FKTN: variants seen among roughly 807,000 people sequenced by gnomAD.
The protein encoded by FKTN is fukutin.
Under a neutral mutation model 58.6 loss-of-function variants are expected in FKTN, and 47 were observed. The observed-to-expected ratio is 0.80, with a 90% CI of 0.63 to 1.02. FKTN has a LOEUF of 1.02. Ranked by LOEUF, FKTN falls within the 50% of genes least tolerant of loss-of-function variation. The probability of loss-of-function intolerance (pLI) is 0.00; values close to 1 mark genes in which losing one functional copy is unlikely to be tolerated. For missense variants in FKTN, 516 were observed against 537.3 expected, an observed-to-expected ratio of 0.96 and a Z score of 0.39; for synonymous variants, 178 against 191.9, an observed-to-expected ratio of 0.93 and a Z score of 0.60.
chr9:105,607,882 C>G lies in FKTN; in HGVS notation c.711C>G (p.His237Gln), dbSNP rs562170364. The stretch of plus-strand genomic sequence containing the variant: ...TTCTCATTCCAAAGGATCCAATGCA[C>G]TTTGTAGAAGAAGTACCACACTCTA... ...LEVLIPKDPM[H>Q]FVEEVPHSRF... The change falls in exon 7 of 11, where the codon CAC (histidine) becomes CAG (glutamine). Residue 237 changes from histidine (H) to glutamine (Q), a missense_variant. His to Gln is a conservative substitution (Grantham distance 24). Coordinates refer to ENST00000357998, the MANE Select transcript of FKTN (RefSeq NM_001079802.2). 4.3e-6 allele frequency: 7 copies of G among 1,611,672 alleles called. No homozygotes were observed. Among genetic ancestry groups the G allele is most frequent in the Non-Finnish European group, 5.9e-6 (7 of 1,178,068 alleles).
At position 105,636,409 on chromosome 9, in the gene FKTN, T is replaced by A. The variant is rs1336159621; in HGVS notation, c.*1145T>A. On this transcript the variant is annotated 3_prime_UTR_variant, in exon 11 of 11. Coordinates refer to ENST00000357998, the MANE Select transcript of FKTN (RefSeq NM_001079802.2). ...GGACTTGACAACTATTCACCCTACC[T>A]CAGATCATAGAGTTTGTAAAGTTTG... 1 of 988,890 alleles carries A rather than the reference T, an allele frequency of 1.0e-6. No individual in the cohort carries two copies. The highest frequency in any genetic ancestry group is 1.2e-6 in the Non-Finnish European group (1 of 832,050). The allele number at this position is 988,890 out of a possible 1,614,324, so 61.3% of individuals were successfully genotyped here. A position where few individuals can be genotyped will look rare whatever the true frequency, so the allele number is the denominator to read the frequency against.
chr9:105,591,327 GC>G (rs1242700735), intron 3 of FKTN, among the ~76,000 whole-genome samples: 1 of 152,176 alleles, frequency 6.6e-6, no homozygotes, highest in Non-Finnish European at 1.5e-5. Context: ...CCACCTATGA[GC>G]CTGTAAAATA....
chr9:105,619,697 A>G (rs911005943), intron 9 of FKTN, among the ~76,000 whole-genome samples: 18 of 152,048 alleles, frequency 1.2e-4, no homozygotes, highest in African/African-American at 4.3e-4. Flanking sequence ...ATTTACTCTG[A>G]GTTATCATCA....
intron 3 of FKTN, among the ~76,000 whole-genome samples, chr9:105,594,168 TTAGA>T (rs1200113278): frequency 6.6e-6 from 1 of 152,172 alleles, no homozygotes; most frequent in African/African-American, 2.4e-5. Flanking sequence ...GAGGCTGGCC[TTAGA>T]TAGGAACATA....
At chr9:105,579,572 A>T (rs1438567531) in intron 3 of FKTN, among the ~76,000 whole-genome samples, 4 of 148,386 alleles carry the variant, frequency 2.7e-5, no homozygotes, top group African/African-American at 1.0e-4. Context: ...TGCTGAGGAG[A>T]GCTTTACTTC....
intron 3 of FKTN, 146 bp downstream of exon 3, chr9:105,575,283 A>C (rs1182882560): frequency 3.1e-6 from 2 of 643,420 alleles, no homozygotes; most frequent in Non-Finnish European, 5.6e-6. Context: ...TTAAAAATTC[A>C]GTTAAATATA....
At chr9:105,623,173 C>G (rs2036731979) in intron 10 of FKTN, 1 of 152,206 alleles carries the variant, frequency 6.6e-6, no homozygotes. Flanking sequence ...TGCTTCTTTC[C>G]TTCCCATTTT....
At chr9:105,614,189 GCT>G (rs1176871388) in intron 7 of FKTN, among the ~76,000 whole-genome samples, 1 of 152,170 alleles carries the variant, frequency 6.6e-6, no homozygotes, top group Non-Finnish European at 1.5e-5. Context: ...AATTTATAGT[GCT>G]TTCCTCAGCT....
chr9:105,638,787 A>C lies in FKTN; in HGVS notation c.*3523A>C, dbSNP rs1834228968. ...TATATTGATACTCTCTGATAAATGC[A>C]GGTAGTTAAGAATAGATTGTACTCA... is the stretch of plus-strand genomic sequence containing the variant. On this transcript the variant is annotated 3_prime_UTR_variant, in exon 11 of 11. Transcript: ENST00000357998. The C allele has an allele frequency of 1.0e-6, 1 of 981,206 alleles. No individual in the cohort carries two copies. Among genetic ancestry groups the C allele is most frequent in the Non-Finnish European group, 1.2e-6 (1 of 826,240 alleles). 60.8% of individuals were successfully genotyped at this position (981,206 alleles called of 1,614,324 possible).
At chr9:105,594,495 C>A (rs1285498270) in intron 3 of FKTN, among the ~76,000 whole-genome samples, 4 of 152,212 alleles carry the variant, frequency 2.6e-5, no homozygotes, top group Admixed American at 2.6e-4. Context: ...TGGTGTCTCA[C>A]ACCTGGAATC....
intron 3 of FKTN, among the ~76,000 whole-genome samples, chr9:105,581,621 T>G (rs1460496296): frequency 6.6e-6 from 1 of 152,098 alleles, no homozygotes; most frequent in East Asian, 1.9e-4. Flanking sequence ...TGTCTTTTTG[T>G]TTGTCTGTGC....
Position 105,607,892 on chromosome 9 carries a change from G to T in FKTN, c.721G>T (p.Glu241Ter). 3 of 1,611,364 alleles carry T rather than the reference G, an allele frequency of 1.9e-6. No individual in the cohort carries two copies. The highest frequency in any genetic ancestry group is 2.5e-6 in the Non-Finnish European group (3 of 1,177,704). ...AAAGGATCCAATGCACTTTGTAGAA[G>T]AAGTACCACACTCTAGGTTTATTGA... ...IPKDPMHFVE[E>*]VPHSRFIECR... Residue 241 changes from glutamate to a stop codon, truncating the protein, a stop_gained, in exon 7 of 11, where the codon GAA becomes TAA. Transcript: ENST00000357998. LOFTEE classifies it high-confidence loss of function.
rs529179756 is a variant in FKTN, at chr9:105,582,385, G to A, written c.105+7248G>A. ...ATTAAAAAAAATTTTTTGTAGAGAC[G>A]GGGTCTCGCTGTGTTGCCCAGGCTG... On this transcript the variant is annotated intron_variant, in intron 3 of 10. Coordinates refer to ENST00000357998, the MANE Select transcript of FKTN (RefSeq NM_001079802.2). Among the ~76,000 whole-genome samples the A allele has an allele frequency of 2.0e-5, 3 of 152,200 alleles. No individual in the cohort carries two copies. The South Asian group carries it at 6.2e-4, about 32-fold the overall frequency.
At chr9:105,587,151 G>A (rs1018939939) in intron 3 of FKTN, among the ~76,000 whole-genome samples, 1 of 152,126 alleles carries the variant, frequency 6.6e-6, no homozygotes, top group African/African-American at 2.4e-5. Context: ...AGTGATCCAA[G>A]CCTTTTTATT....
rs1486120612 is a variant in FKTN at position 105,635,957 on chromosome 9, TG to T, written c.*694del. The T allele has an allele frequency of 1.0e-6, 1 of 985,848 alleles. No individual in the cohort carries two copies. Among genetic ancestry groups the T allele is most frequent in the African/African-American group, 1.7e-5 (1 of 57,256 alleles). 61.1% of individuals were successfully genotyped at this position (985,848 alleles called of 1,614,324 possible). On this transcript the variant is annotated 3_prime_UTR_variant, in exon 11 of 11. Transcript: ENST00000357998. ...GTGAAGTGAGAAGAAACTTTATGCT[TG>T]TTTAATGCTTAAATTTCCATCCATT...
rs1232031646 is a variant in FKTN at position 105,560,555 on chromosome 9, A to G, written c.-181+2390A>G. On this transcript the variant is annotated intron_variant, in intron 1 of 10. Coordinates refer to ENST00000357998, the MANE Select transcript of FKTN (RefSeq NM_001079802.2). ...GGAACAATATAGAAAAGTGTAAAGA[A>G]CCATGTAAAAATCACTCCTAATTCT... 2.0e-5 allele frequency among the ~76,000 whole-genome samples: 3 copies of G among 152,188 alleles called. No individual in the cohort carries two copies. The East Asian group carries it at 5.8e-4, about 29-fold the overall frequency.
In FKTN at chr9:105,603,435, T is replaced by C. The variant is rs146042096; in HGVS notation, c.370-780T>C. On this transcript the variant is annotated intron_variant, in intron 5 of 10. Coordinates refer to ENST00000357998, the MANE Select transcript of FKTN (RefSeq NM_001079802.2). ...TGTTAATTTCTAATGATTTGCATTA[T>C]GATGGTGTTCTATTATGGTAGTATT... 4.0e-3 allele frequency among the ~76,000 whole-genome samples: 611 copies of C among 152,358 alleles called. 6 individuals are homozygous for C. The highest frequency in any genetic ancestry group is 0.014 in the African/African-American group (578 of 41,586).
At chr9:105,575,978 G>T (rs1362735147) in intron 3 of FKTN, among the ~76,000 whole-genome samples, 1 of 151,992 alleles carries the variant, frequency 6.6e-6, no homozygotes, top group Non-Finnish European at 1.5e-5. Flanking sequence ...TAGGAGAAGA[G>T]AAAAATGTAT....
Position 105,634,950 on chromosome 9 carries a change from A to G in FKTN, c.1173-101A>G, listed in dbSNP as rs1334702087. 1.7e-5 allele frequency: 15 copies of G among 907,398 alleles called. No individual in the cohort carries two copies. The East Asian group carries it at 3.4e-4, about 20-fold the overall frequency. 56.2% of individuals were successfully genotyped at this position (907,398 alleles called of 1,614,324 possible). A position where few individuals can be genotyped will look rare whatever the true frequency, so the allele number is the denominator to read the frequency against. ...TCCACTCTCTTCCCAAAGCTGTGTA[A>G]TGGGAGAGCACTGTCCTTCAGCCAA... On this transcript the variant is annotated intron_variant, in intron 10 of 10. Transcript: ENST00000357998.
Sources: allele counts gnomAD v4.1 joint callset (sites outside exome capture counted in the v4.1 genomes callset), GRCh38; gene constraint gnomAD v4.1.1; transcripts MANE v1.5; gene names NCBI Gene and HGNC (gene_info 2026-07-23, HGNC 2026-07-21).